BNC2: variants seen among roughly 807,000 people sequenced by gnomAD.
BNC2 encodes basonuclin zinc finger protein 2.
Under a neutral mutation model 76.3 loss-of-function variants are expected in BNC2, and 20 were observed. That is an observed-to-expected ratio of 0.26 (90% CI 0.18 to 0.38). The LOEUF (loss-of-function observed/expected upper bound fraction) is 0.38. Among genes scored for constraint, BNC2 ranks in the 10% least tolerant of loss-of-function variants. BNC2 has a pLI of 1.00. For synonymous variants in BNC2, 582 were observed against 514.8 expected (o/e 1.13, Z -1.77); for missense variants, 1,382 against 1,399.8 (o/e 0.99, Z 0.20).
In BNC2 at chr9:16,789,758, T is replaced by C. The variant is rs184480864; in HGVS notation, c.4-51273A>G. ...CTTGTCTCTCACCAGTCAACTAAGA[T>C]CCAAATTCTCTGAGAAACGAACTAC... On this transcript the variant is annotated intron_variant, in intron 1 of 6. Coordinates refer to ENST00000380672, the MANE Select transcript of BNC2 (RefSeq NM_017637.6). 2.0e-5 allele frequency among the ~76,000 whole-genome samples: 3 copies of C among 152,308 alleles called. 1 individual carries two copies. The highest frequency in any genetic ancestry group is 4.4e-5 in the Non-Finnish European group (3 of 68,018).
At chr9:16,760,675 T>C (rs915830942) in intron 1 of BNC2, among the ~76,000 whole-genome samples, 1 of 152,192 alleles carries the variant, frequency 6.6e-6, no homozygotes, top group Non-Finnish European at 1.5e-5. Context: ...AGTTGGACCA[T>C]GTAAGAAATC....
chr9:16,866,618 C>G (rs1223825958), intron 1 of BNC2, among the ~76,000 whole-genome samples: 1 of 145,474 alleles, frequency 6.9e-6, no homozygotes, highest in Non-Finnish European at 1.5e-5. Context: ...GCTTAGCTGA[C>G]GCCTTGACTG....
intron 5 of BNC2, among the ~76,000 whole-genome samples, chr9:16,511,951 A>T (rs1292700080): frequency 6.6e-6 from 1 of 152,212 alleles, no homozygotes; most frequent in Non-Finnish European, 1.5e-5. Flanking sequence ...CTCTCCGTAA[A>T]AATCTCATTA....
At chr9:16,567,282 G>A (rs915192463) in intron 4 of BNC2, among the ~76,000 whole-genome samples, 4 of 152,130 alleles carry the variant, frequency 2.6e-5, no homozygotes, top group African/African-American at 9.7e-5. Flanking sequence ...AATGTAAAAT[G>A]AGCATAAAAC....
At chr9:16,767,930 C>G (rs1443292906) in intron 1 of BNC2, among the ~76,000 whole-genome samples, 1 of 150,886 alleles carries the variant, frequency 6.6e-6, no homozygotes, top group Admixed American at 6.6e-5. Flanking sequence ...ATGCTCAAAT[C>G]TATCAGGGCA....
At chr9:16,801,359 T>C (rs1345394307) in intron 1 of BNC2, among the ~76,000 whole-genome samples, 1 of 152,016 alleles carries the variant, frequency 6.6e-6, no homozygotes, top group Non-Finnish European at 1.5e-5. Context: ...GATTCTCCTG[T>C]TTCAGCCTGC....
In BNC2 at chr9:16,731,369, T is replaced by C. The variant is rs1283182313; in HGVS notation, c.130-3372A>G. 2.0e-5 allele frequency among the ~76,000 whole-genome samples: 3 copies of C among 152,184 alleles called. No individual in the cohort carries two copies. In the East Asian group the frequency reaches 5.8e-4, roughly 29 times the overall value. ...TTTACTGATAGTGAGAGATGGACCA[T>C]GGAAATTATGAAGTCCACCAAACTA... On this transcript the variant is annotated intron_variant, in intron 2 of 6. Coordinates refer to ENST00000380672, the MANE Select transcript of BNC2 (RefSeq NM_017637.6).
In BNC2 at chr9:16,816,448, G is replaced by A. The variant is rs554602276; in HGVS notation, c.3+54198C>T. 2.0e-5 allele frequency among the ~76,000 whole-genome samples: 3 copies of A among 152,232 alleles called. No individual in the cohort carries two copies. The South Asian group carries it at 6.2e-4, about 32-fold the overall frequency. ...GTTCTGCGCTGTTAAATACCAAGCT[G>A]GGCAGCCTTCCCTTGACTGAACTGA... On this transcript the variant is annotated intron_variant, in intron 1 of 6. Coordinates refer to ENST00000380672, the MANE Select transcript of BNC2 (RefSeq NM_017637.6).
At chr9:16,630,659 T>C (rs553401820) in intron 3 of BNC2, among the ~76,000 whole-genome samples, 31 of 152,334 alleles carry the variant, frequency 2.0e-4, no homozygotes, top group African/African-American at 7.2e-4. Context: ...TGAGAAATTT[T>C]ATTTTTAAGA....
At chr9:16,707,209 A>C (rs1371990678) in intron 3 of BNC2, among the ~76,000 whole-genome samples, 33 of 143,060 alleles carry the variant, frequency 2.3e-4, no homozygotes, top group East Asian at 1.2e-3. Context: ...CCCCCCGCCA[A>C]AAAAAAACAA....
At chr9:16,866,663 T>A (rs12002778) in intron 1 of BNC2, among the ~76,000 whole-genome samples, 3,631 of 96,696 alleles carry the variant, frequency 0.038, 63 homozygotes, top group East Asian at 0.093. Flanking sequence ...CTGTCACTTT[T>A]AAAAAAAAAA....
intron 1 of BNC2, among the ~76,000 whole-genome samples, chr9:16,784,012 G>A (rs570836654): frequency 1.3e-5 from 2 of 152,220 alleles, no homozygotes; most frequent in South Asian, 2.1e-4. Flanking sequence ...AATAGCATCC[G>A]ATTTTTCCAG....
chr9:16,422,240 G>A (rs1820725066), intron 6 of BNC2, among the ~76,000 whole-genome samples: 1 of 152,156 alleles, frequency 6.6e-6, no homozygotes, highest in African/African-American at 2.4e-5. Context: ...ACCAAACGAT[G>A]TGCAGAAATG....
intron 1 of BNC2, among the ~76,000 whole-genome samples, chr9:16,800,324 A>G (rs142974073): frequency 8.5e-4 from 130 of 152,278 alleles, no homozygotes; most frequent in African/African-American, 3.0e-3. Context: ...ACACTTCTAG[A>G]AGAAACGAAA....
rs539586368 is a variant in BNC2 at position 16,621,532 on chromosome 9, G to A, written c.331-38447C>T. On this transcript the variant is annotated intron_variant, in intron 3 of 6. Transcript: ENST00000380672. ...TAGAGCAATGTGCTTCTATTATAAC[G>A]ACTTATATAAGGTTTCAGTTACTTT... 1.6e-4 allele frequency among the ~76,000 whole-genome samples: 24 copies of A among 152,248 alleles called. No individual in the cohort carries two copies. In the East Asian group the frequency reaches 4.1e-3, roughly 26 times the overall value.
At chr9:16,830,334 G>T (rs987549667) in intron 1 of BNC2, among the ~76,000 whole-genome samples, 27 of 152,158 alleles carry the variant, frequency 1.8e-4, no homozygotes, top group African/African-American at 5.8e-4. Flanking sequence ...TCCCTCTGAG[G>T]ATAGCAAAAT....
chr9:16,738,373 G>C lies in BNC2; in HGVS notation c.116C>G (p.Thr39Arg). The change falls in exon 2 of 7, where the codon ACA becomes AGA. Residue 39 changes from threonine to arginine, a missense_variant. By Grantham distance (71) the Thr-to-Arg change is moderately conservative (BLOSUM62 -1). Transcript: ENST00000380672. ...AAACCAACATACCTCAATTTGAGAT[G>C]TATCAACCCCACAACATGGGACCTT... The part of the protein sequence containing the change: ...YFKVPCCGVD[T>R]SQIESEEAEV... 1 of 1,613,920 alleles carries C rather than the reference G, an allele frequency of 6.2e-7. No individual in the cohort carries two copies. Among genetic ancestry groups the C allele is most frequent in the Admixed American group, 1.7e-5 (1 of 59,990 alleles).
At position 16,811,230 on chromosome 9, in the gene BNC2, C is replaced by CAAAAAAAAAAAAAAAA. The variant is rs58068661; in HGVS notation, c.3+59415_3+59416insTTTTTTTTTTTTTTTT. The stretch of plus-strand genomic sequence containing the variant: ...AGAGCGAGACTTCGTCTCAAAAGAC[C>CAAAAAAAAAAAAAAAA]AAAAAAAAAAAAAACCAAAAAAACC... On this transcript the variant is annotated intron_variant, in intron 1 of 6. Transcript: ENST00000380672. Among the ~76,000 whole-genome samples, 173 of 97,424 alleles carry CAAAAAAAAAAAAAAAA rather than the reference C, an allele frequency of 1.8e-3. 3 individuals carry two copies. Among genetic ancestry groups the CAAAAAAAAAAAAAAAA allele is most frequent in the African/African-American group, 6.2e-3 (165 of 26,508 alleles). The allele number at this position is 97,424 out of a possible 152,430, so 63.9% of individuals were successfully genotyped here.
chr9:16,796,891 T>C (rs1018571094), intron 1 of BNC2, among the ~76,000 whole-genome samples: 1 of 152,206 alleles, frequency 6.6e-6, no homozygotes, highest in Non-Finnish European at 1.5e-5. Flanking sequence ...GGTCAAATAC[T>C]GTCAAATTTT....
Sources: allele counts gnomAD v4.1 joint callset (sites outside exome capture counted in the v4.1 genomes callset), GRCh38; gene constraint gnomAD v4.1.1; transcripts MANE v1.5; gene names NCBI Gene and HGNC (gene_info 2026-07-23, HGNC 2026-07-21).